PCDHA2: variants seen among roughly 807,000 people sequenced by gnomAD.
PCDHA2 encodes protocadherin alpha-2.
In PCDHA2, 58 loss-of-function variants were observed where a neutral mutation model predicts 66.0. The ratio of observed to expected loss-of-function variants is 0.88; its 90% CI spans 0.71 to 1.09. PCDHA2 has a LOEUF of 1.09. PCDHA2 is among the 50% of genes least tolerant of loss of function. The pLI is 0.00. For synonymous variants in PCDHA2, 634 were observed against 554.0 expected (o/e 1.14, Z -2.03); for missense variants, 1,267 against 1,242.3 (o/e 1.02, Z -0.30).
intron 1 of PCDHA2, chr5:140,824,336 G>A (rs1288590631): frequency 3.2e-6 from 2 of 628,210 alleles, no homozygotes; most frequent in African/African-American, 1.9e-5. Flanking sequence ...GATATTAAGT[G>A]TTTTTAAAAT....
chr5:140,858,060 G>A lies in PCDHA2; in HGVS notation c.2388+60708G>A, dbSNP rs17844348. ...ACTGTGCTTGTGTCGCTTGTGGAGG[G>A]CAGCCAGGCACCCAAGGCCTCGTCG... On this transcript the variant is annotated intron_variant, in intron 1 of 3. Transcript: ENST00000526136. The A allele has an allele frequency of 4.3e-4, 686 of 1,597,590 alleles. 15 individuals are homozygous for A. In the East Asian group the frequency reaches 0.015, roughly 34 times the overall value.
At chr5:140,988,058 A>G (rs2097280755) in intron 3 of PCDHA2, among the ~76,000 whole-genome samples, 1 of 152,200 alleles carries the variant, frequency 6.6e-6, no homozygotes, top group African/African-American at 2.4e-5. Flanking sequence ...CACTGTCAAC[A>G]TGAATTTTTC....
In PCDHA2 at chr5:140,857,166, T is replaced by A. The variant is rs1554149611; in HGVS notation, c.2388+59814T>A. ...GGCACCGTCATTGCCCTAATCAGCG[T>A]TTCTGACCATGATTCAGGAGCCAAC... On this transcript the variant is annotated intron_variant, in intron 1 of 3. Transcript: ENST00000526136. 3.1e-6 allele frequency: 5 copies of A among 1,598,172 alleles called. No homozygotes were observed. The African/African-American group carries it at 5.4e-5, about 17-fold the overall frequency.
At chr5:140,947,854 A>G (rs2094183959) in intron 1 of PCDHA2, among the ~76,000 whole-genome samples, 1 of 151,504 alleles carries the variant, frequency 6.6e-6, no homozygotes, top group Non-Finnish European at 1.5e-5. Context: ...TTATTTTGTC[A>G]TTATAATGGC....
At position 140,850,688 on chromosome 5, in the gene PCDHA2, G is replaced by T. The variant is rs370343489; in HGVS notation, c.2388+53336G>T. ...GCTCGGCGATGCCCACCGAGGGCGA[G>T]TGCGCGCCTGGCAAGCCGACGCTGG... On this transcript the variant is annotated intron_variant, in intron 1 of 3. Coordinates refer to ENST00000526136, the MANE Select transcript of PCDHA2 (RefSeq NM_018905.3). The T allele has an allele frequency of 5.0e-6, 8 of 1,598,504 alleles. 1 individual carries two copies. Among genetic ancestry groups the T allele is most frequent in the Non-Finnish European group, 6.9e-6 (8 of 1,167,882 alleles).
Position 140,834,070 on chromosome 5 carries a change from C to T in PCDHA2, c.2388+36718C>T, listed in dbSNP as rs2150213286. Among the ~76,000 whole-genome samples the T allele has an allele frequency of 2.5e-4, 38 of 152,286 alleles. No homozygotes were observed. The East Asian group carries it at 5.2e-3, about 21-fold the overall frequency. ...ATGCTTCTAACAATCATGAGAAATG[C>T]TATTTTAACCTTTAACAACAATGAA... On this transcript the variant is annotated intron_variant, in intron 1 of 3. Transcript: ENST00000526136.
intron 1 of PCDHA2, among the ~76,000 whole-genome samples, chr5:140,846,792 C>A (rs1780678433): frequency 6.7e-6 from 1 of 149,422 alleles, no homozygotes. Context: ...TACTGAGCCC[C>A]AGCCCCTGGC....
At chr5:140,973,599 T>C (rs952944512) in intron 1 of PCDHA2, among the ~76,000 whole-genome samples, 7 of 152,258 alleles carry the variant, frequency 4.6e-5, no homozygotes, top group African/African-American at 1.4e-4. Flanking sequence ...GATGGAATTA[T>C]GGCTGAGCTC....
At chr5:140,803,246 C>G (rs1554122670) in intron 1 of PCDHA2, 3 of 1,613,836 alleles carry the variant, frequency 1.9e-6, no homozygotes. Flanking sequence ...CCCAGGCGTC[C>G]GCTGGCGCCA....
intron 1 of PCDHA2, among the ~76,000 whole-genome samples, chr5:140,924,692 C>T (rs1421659285): frequency 2.0e-5 from 3 of 151,910 alleles, no homozygotes; most frequent in Admixed American, 6.6e-5. Flanking sequence ...GTCAGGAGTT[C>T]GAGACCAGCT....
At chr5:140,837,632 C>CTTT (rs1562365662) in intron 1 of PCDHA2, among the ~76,000 whole-genome samples, 8 of 151,106 alleles carry the variant, frequency 5.3e-5, no homozygotes, top group Admixed American at 1.3e-4. Context: ...TTCCTTCCTT[C>CTTT]CTTTCTTTCT....
Position 140,850,830 on chromosome 5 carries a change from T to C in PCDHA2, c.2388+53478T>C. On this transcript the variant is annotated intron_variant, in intron 1 of 3. Coordinates refer to ENST00000526136, the MANE Select transcript of PCDHA2 (RefSeq NM_018905.3). ...GGCCTTCAGCCCGGGCCTTTCTCCTTGTGCTGGATCTACAGAGCGAACGGG... is the reference window on the plus strand; with the variant it reads ...GGCCTTCAGCCCGGGCCTTTCTCCTCGTGCTGGATCTACAGAGCGAACGGG... 1.9e-6 allele frequency: 3 copies of C among 1,598,162 alleles called. 1 individual carries two copies. The highest frequency in any genetic ancestry group is 2.6e-6 in the Non-Finnish European group (3 of 1,167,540).
chr5:140,925,088 A>G (rs536355365), intron 1 of PCDHA2, among the ~76,000 whole-genome samples: 11 of 151,436 alleles, frequency 7.3e-5, no homozygotes, highest in African/African-American at 2.7e-4. Context: ...CTGGAAAGGA[A>G]GGAAGGAAGG....
rs782118774 is a variant in PCDHA2 at position 140,929,021 on chromosome 5, G to A, written c.2389-49928G>A. ...TTCGTGTGTACCAAGTTGCACCAGAGCCCAGGCTGTTGCGCTCAGAGCTGC... is the reference window on the plus strand; with the variant it reads ...TTCGTGTGTACCAAGTTGCACCAGAACCCAGGCTGTTGCGCTCAGAGCTGC... On this transcript the variant is annotated intron_variant, in intron 1 of 3. Coordinates refer to ENST00000526136, the MANE Select transcript of PCDHA2 (RefSeq NM_018905.3). 5 of 1,614,072 alleles carry A rather than the reference G, an allele frequency of 3.1e-6. No homozygotes were observed. In the African/African-American group the frequency reaches 6.7e-5, roughly 22 times the overall value.
intron 1 of PCDHA2, chr5:140,928,602 GC>G: frequency 1.2e-6 from 2 of 1,614,176 alleles, no homozygotes; most frequent in Non-Finnish European, 1.7e-6. Flanking sequence ...TGGAAATTGT[GC>G]CCCGCTCTGC....
At chr5:140,827,753 TTTAAA>T (rs1769386712) in intron 1 of PCDHA2, among the ~76,000 whole-genome samples, 1 of 152,340 alleles carries the variant, frequency 6.6e-6, no homozygotes, top group South Asian at 2.1e-4. Context: ...GATCCCTTAC[TTTAAA>T]TTAATAAAAG....
chr5:140,899,674 T>A (rs2067476984), intron 1 of PCDHA2, among the ~76,000 whole-genome samples: 1 of 152,220 alleles, frequency 6.6e-6, no homozygotes, highest in African/African-American at 2.4e-5. Flanking sequence ...GGCTTTGGTA[T>A]CAGGATGATG....
chr5:140,968,091 C>T lies in PCDHA2; in HGVS notation c.2389-10858C>T, dbSNP rs782079016. 1.4e-5 allele frequency: 22 copies of T among 1,614,128 alleles called. No individual in the cohort carries two copies. Among genetic ancestry groups the T allele is most frequent in the Non-Finnish European group, 1.9e-5 (22 of 1,180,016 alleles). On this transcript the variant is annotated intron_variant, in intron 1 of 3. Coordinates refer to ENST00000526136, the MANE Select transcript of PCDHA2 (RefSeq NM_018905.3). ...GTCTACAACATCACGGTGACAGCCA[C>T]AGATGGGGGAATACCGCAGCTCACA...
At position 140,796,771 on chromosome 5, in the gene PCDHA2, T is replaced by C; in HGVS notation, c.1807T>C (p.Tyr603His). 1 of 1,614,144 alleles carries C rather than the reference T, an allele frequency of 6.2e-7. No individual in the cohort carries two copies. Among genetic ancestry groups the C allele is most frequent in the Non-Finnish European group, 8.5e-7 (1 of 1,179,974 alleles). The change falls in exon 1 of 4, where the codon TAC becomes CAC. Residue 603 changes from tyrosine (Y) to histidine (H), a missense_variant. Coordinates refer to ENST00000526136, the MANE Select transcript of PCDHA2 (RefSeq NM_018905.3). ...GCGCGCAGTGGACGCTGACTCAGGCTACAACGCGTGGCTTTCGTACGAGCT... is the reference window on the plus strand; with the variant it reads ...GCGCGCAGTGGACGCTGACTCAGGCCACAACGCGTGGCTTTCGTACGAGCT... ...KVRAVDADSGYNAWLSYELQL... is the reference protein window; with the variant it reads ...KVRAVDADSGHNAWLSYELQL...
Sources: allele counts gnomAD v4.1 joint callset (sites outside exome capture counted in the v4.1 genomes callset), GRCh38; gene constraint gnomAD v4.1.1; transcripts MANE v1.5; gene names NCBI Gene and HGNC (gene_info 2026-07-23, HGNC 2026-07-21).